The following CBLB variants were observed in gnomAD, a reference collection of about 807,000 sequenced individuals.
CBLB encodes Cbl proto-oncogene B.
CBLB carries 31 observed loss-of-function variants against 104.9 expected under a neutral mutation model. The observed-to-expected ratio is 0.30, with a 90% CI of 0.22 to 0.40. CBLB has a LOEUF of 0.40. Among genes scored for constraint, CBLB ranks in the 10% least tolerant of loss-of-function variants. The pLI is 1.00. For synonymous variants in CBLB, 440 were observed against 422.6 expected, an observed-to-expected ratio of 1.04 and a Z score of -0.51; for missense variants, 1,062 against 1,214.6, an observed-to-expected ratio of 0.87 and a Z score of 1.87.
intron 2 of CBLB, among the ~76,000 whole-genome samples, 176 bp from the exon 3 acceptor site, chr3:105,853,840 A>G (rs2091259503): frequency 6.6e-6 from 1 of 152,140 alleles, no homozygotes; most frequent in African/African-American, 2.4e-5. Flanking sequence ...AATAAATCCT[A>G]TTCTGTTCTC....
chr3:105,818,700 C>T (rs1560385438), intron 3 of CBLB, among the ~76,000 whole-genome samples: 1 of 151,994 alleles, frequency 6.6e-6, no homozygotes, highest in Non-Finnish European at 1.5e-5. Context: ...AGAGAAACCG[C>T]AAAAATTCTT....
chr3:105,668,521 T>TA (rs570542460), intron 18 of CBLB, among the ~76,000 whole-genome samples: 29 of 152,054 alleles, frequency 1.9e-4, no homozygotes, highest in African/African-American at 6.0e-4. Flanking sequence ...CTATTTTCTT[T>TA]AAAAAAAATT....
intron 3 of CBLB, among the ~76,000 whole-genome samples, chr3:105,784,979 C>A (rs543395525): frequency 1.3e-5 from 2 of 152,110 alleles, no homozygotes; most frequent in South Asian, 2.1e-4. Flanking sequence ...ACCAGCTTTA[C>A]GTCAAAATAC....
At chr3:105,845,306 A>C (rs990613899) in intron 3 of CBLB, among the ~76,000 whole-genome samples, 2 of 151,970 alleles carry the variant, frequency 1.3e-5, no homozygotes, top group Middle Eastern at 3.4e-3. Flanking sequence ...AGAAGAAATT[A>C]AAATACTTGC....
At chr3:105,668,000 A>G (rs1185674082) in intron 18 of CBLB, among the ~76,000 whole-genome samples, 2 of 152,228 alleles carry the variant, frequency 1.3e-5, no homozygotes, top group East Asian at 3.8e-4. Flanking sequence ...CTGCTGATGT[A>G]AAATAAACTA....
intron 3 of CBLB, among the ~76,000 whole-genome samples, chr3:105,802,981 G>A (rs377106958): frequency 2.8e-4 from 43 of 152,264 alleles, no homozygotes; most frequent in Non-Finnish European, 5.1e-4. Context: ...CTTAGATACT[G>A]AAGCAGGTAC....
intron 5 of CBLB, among the ~76,000 whole-genome samples, chr3:105,746,978 T>A (rs2076163020): frequency 6.6e-6 from 1 of 152,232 alleles, no homozygotes; most frequent in African/African-American, 2.4e-5. Context: ...TGTACAGAAC[T>A]ATAAGCTTAG....
chr3:105,868,201 C>G, intron 1 of CBLB: 1 of 1,232,392 alleles, frequency 8.1e-7, no homozygotes, highest in Non-Finnish European at 1.0e-6. Context: ...AGTCGTTATT[C>G]CCAAGAACCA....
chr3:105,799,240 A>C (rs1370232105), intron 3 of CBLB, among the ~76,000 whole-genome samples: 1 of 152,010 alleles, frequency 6.6e-6, no homozygotes, highest in African/African-American at 2.4e-5. Context: ...AAAAACATTA[A>C]GAGGGTATTA....
chr3:105,753,194 T>C (rs2076744745), intron 4 of CBLB, among the ~76,000 whole-genome samples: 1 of 151,970 alleles, frequency 6.6e-6, no homozygotes, highest in Admixed American at 6.6e-5. Flanking sequence ...ATAAGAGAGT[T>C]TAGGTTTCAG....
chr3:105,693,672 C>T (rs2068000868), intron 12 of CBLB, 84 bp from the exon 13 acceptor site: 1 of 861,658 alleles, frequency 1.2e-6, no homozygotes, highest in African/African-American at 1.7e-5. Context: ...ATTCTGAAGA[C>T]AATATGTAAG....
At chr3:105,720,020 T>TA in intron 10 of CBLB, 27 bp downstream of exon 10, 1 of 1,525,376 alleles carries the variant, frequency 6.6e-7, no homozygotes, top group East Asian at 2.2e-5. Context: ...CACATCACCT[T>TA]AACTAAACCC....
At chr3:105,720,411 G>C (rs530960051) in intron 9 of CBLB, among the ~76,000 whole-genome samples, 161 bp from the exon 10 acceptor site, 1 of 152,174 alleles carries the variant, frequency 6.6e-6, no homozygotes, top group South Asian at 2.1e-4. Flanking sequence ...GTATAGAACA[G>C]GGAGCCAACA....
At chr3:105,684,575 T>A (rs1411611607) in intron 14 of CBLB, among the ~76,000 whole-genome samples, 4 of 150,676 alleles carry the variant, frequency 2.7e-5, no homozygotes, top group Admixed American at 1.3e-4. Flanking sequence ...TTTTTTGAGA[T>A]GGTGTCTCGC....
At chr3:105,869,185 C>T, upstream of CBLB, 1 of 622,980 alleles carries the variant, frequency 1.6e-6, no homozygotes. Flanking sequence ...ACGTCCTCCA[C>T]AGTACACAAT....
At chr3:105,671,316 G>A (rs2065037164) in intron 17 of CBLB, 1 of 212,112 alleles carries the variant, frequency 4.7e-6, no homozygotes, top group East Asian at 7.0e-5. Context: ...TTATGTTGTC[G>A]ATATCTCTGA....
At chr3:105,763,343 G>T (rs1414635138) in intron 4 of CBLB, among the ~76,000 whole-genome samples, 2 of 152,170 alleles carry the variant, frequency 1.3e-5, no homozygotes, top group African/African-American at 4.8e-5. Flanking sequence ...TATGGGAGGG[G>T]CCAGTGGCAG....
At chr3:105,696,610 C>A (rs1208845713) in intron 12 of CBLB, among the ~76,000 whole-genome samples, 1 of 151,838 alleles carries the variant, frequency 6.6e-6, no homozygotes, top group Middle Eastern at 3.4e-3. Flanking sequence ...ATTTTTTTGT[C>A]CTCTGCATTC....
intron 4 of CBLB, among the ~76,000 whole-genome samples, chr3:105,761,140 C>G (rs1194198608): frequency 1.3e-5 from 2 of 152,182 alleles, no homozygotes; most frequent in Admixed American, 6.5e-5. Flanking sequence ...TCAAGTGATT[C>G]TGGTGCCTCA....
Sources: allele counts gnomAD v4.1 joint callset (sites outside exome capture counted in the v4.1 genomes callset), GRCh38; gene constraint gnomAD v4.1.1; transcripts MANE v1.5; gene names NCBI Gene and HGNC (gene_info 2026-07-23, HGNC 2026-07-21).